Variants in OPCML observed in about 807,000 individuals in gnomAD.
The protein encoded by OPCML is opioid-binding protein/cell adhesion molecule.
Under a neutral mutation model 37.8 loss-of-function variants are expected in OPCML, and 13 were observed. The observed-to-expected ratio is 0.34, with a 90% CI of 0.22 to 0.55. The LOEUF (loss-of-function observed/expected upper bound fraction) is 0.55, where lower values mean the gene tolerates loss of function less well. Among genes scored for constraint, OPCML ranks in the 20% least tolerant of loss-of-function variants. The probability of loss-of-function intolerance (pLI) is 0.91; values close to 1 mark genes in which losing one functional copy is unlikely to be tolerated. For synonymous variants in OPCML, 176 were observed against 168.8 expected, an observed-to-expected ratio of 1.04 and a Z score of -0.33; for missense variants, 341 against 435.6, an observed-to-expected ratio of 0.78 and a Z score of 1.93.
intron 1 of OPCML, among the ~76,000 whole-genome samples, chr11:133,210,879 G>A (rs1435051339): frequency 6.6e-6 from 1 of 152,130 alleles, no homozygotes. Flanking sequence ...ACAGAGGTGT[G>A]TGCGGTTAGA....
At chr11:132,586,863 A>T (rs986151932) in intron 3 of OPCML, among the ~76,000 whole-genome samples, 1 of 152,206 alleles carries the variant, frequency 6.6e-6, no homozygotes. Flanking sequence ...ACAGTCTCTC[A>T]AAAATAAAGA....
intron 1 of OPCML, among the ~76,000 whole-genome samples, chr11:133,330,065 C>A (rs1943580516): frequency 6.6e-6 from 1 of 152,150 alleles, no homozygotes; most frequent in Non-Finnish European, 1.5e-5. Flanking sequence ...ATTTATGCAG[C>A]CAAAACAACA....
intron 2 of OPCML, among the ~76,000 whole-genome samples, chr11:132,856,659 C>T (rs906806513): frequency 3.3e-5 from 5 of 152,154 alleles, no homozygotes; most frequent in Admixed American, 2.6e-4. Flanking sequence ...TATGACCTTC[C>T]TCTAGGAATA....
chr11:132,929,150 T>C (rs1056205999), intron 2 of OPCML, among the ~76,000 whole-genome samples: 1 of 150,376 alleles, frequency 6.6e-6, no homozygotes, highest in Non-Finnish European at 1.5e-5. Flanking sequence ...TAGAAAAAAA[T>C]CAACAAAATA....
chr11:132,559,506 G>A (rs181525096), intron 3 of OPCML, among the ~76,000 whole-genome samples: 36 of 152,294 alleles, frequency 2.4e-4, no homozygotes, highest in African/African-American at 8.4e-4. Context: ...GACGCCACCA[G>A]CTTGCCGCTG....
intron 1 of OPCML, among the ~76,000 whole-genome samples, chr11:133,075,619 T>C (rs897255567): frequency 6.6e-6 from 1 of 152,146 alleles, no homozygotes; most frequent in African/African-American, 2.4e-5. Flanking sequence ...AAGAAAAGTC[T>C]TGGCCAGGAA....
At chr11:132,711,404 G>GGATT (rs1198514990) in intron 2 of OPCML, among the ~76,000 whole-genome samples, 1 of 152,120 alleles carries the variant, frequency 6.6e-6, no homozygotes, top group African/African-American at 2.4e-5. Flanking sequence ...TATATCACAG[G>GGATT]GATTGAATCC....
chr11:133,092,794 A>G (rs1279399961), intron 1 of OPCML, among the ~76,000 whole-genome samples: 1 of 152,170 alleles, frequency 6.6e-6, no homozygotes, highest in African/African-American at 2.4e-5. Context: ...GAAGGTTGGT[A>G]CATCTTTATG....
intron 1 of OPCML, among the ~76,000 whole-genome samples, chr11:133,520,281 A>T (rs1948372269): frequency 6.6e-6 from 1 of 152,090 alleles, no homozygotes; most frequent in African/African-American, 2.4e-5. Flanking sequence ...TCAGAACTAC[A>T]GGCCACCTCA....
chr11:133,116,890 A>G (rs1480606841), intron 1 of OPCML, among the ~76,000 whole-genome samples: 1 of 151,288 alleles, frequency 6.6e-6, no homozygotes, highest in African/African-American at 2.4e-5. Flanking sequence ...GCCTGAATCA[A>G]TTATTTCTGT....
chr11:132,580,223 A>T (rs1007970339), intron 3 of OPCML, among the ~76,000 whole-genome samples: 1 of 152,184 alleles, frequency 6.6e-6, no homozygotes, highest in Non-Finnish European at 1.5e-5. Flanking sequence ...CAGGGGGGAA[A>T]CCCAACAACT....
At chr11:132,602,904 G>A (rs1938019074) in intron 3 of OPCML, among the ~76,000 whole-genome samples, 1 of 152,226 alleles carries the variant, frequency 6.6e-6, no homozygotes, top group South Asian at 2.1e-4. Context: ...TCAGGTCACG[G>A]ACAGTAGTGA....
In OPCML at chr11:132,944,157, G is replaced by A. The variant is rs543193309; in HGVS notation, c.62-1147C>T. Among the ~76,000 whole-genome samples the A allele has an allele frequency of 4.0e-5, 6 of 150,900 alleles. No homozygotes were observed. In the South Asian group the frequency reaches 1.3e-3, roughly 32 times the overall value. On this transcript the variant is annotated intron_variant, in intron 1 of 7. Coordinates refer to ENST00000524381, the MANE Select transcript of OPCML (RefSeq NM_001012393.5). ...CCCGCGCCAGCGGAGAGAACGCGGC[G>A]CCCCTCGCAGCGGCTTCCCCTACAG...
intron 1 of OPCML, among the ~76,000 whole-genome samples, chr11:132,997,539 T>C (rs775634090): frequency 9.2e-5 from 14 of 152,142 alleles, no homozygotes; most frequent in Non-Finnish European, 1.9e-4. Context: ...CAGTGCTGTA[T>C]GCATGCACAT....
At chr11:133,146,765 A>T (rs952407425) in intron 1 of OPCML, among the ~76,000 whole-genome samples, 2 of 152,088 alleles carry the variant, frequency 1.3e-5, no homozygotes, top group South Asian at 4.1e-4. Flanking sequence ...CGGGACCTCT[A>T]TCTCCTATCC....
intron 4 of OPCML, among the ~76,000 whole-genome samples, chr11:132,521,038 A>G (rs888250402): frequency 5.3e-5 from 8 of 152,028 alleles, no homozygotes; most frequent in African/African-American, 1.7e-4. Flanking sequence ...CTCCACAACC[A>G]TTCATTGTTT....
At chr11:132,641,899 G>A (rs1315781652) in intron 3 of OPCML, among the ~76,000 whole-genome samples, 2 of 152,208 alleles carry the variant, frequency 1.3e-5, no homozygotes, top group Non-Finnish European at 2.9e-5. Context: ...CTCAGGGGTT[G>A]TCATTCAGGG....
rs546360094 is a variant in OPCML, at chr11:133,252,182, G to A, written c.61+280082C>T. Among the ~76,000 whole-genome samples the A allele has an allele frequency of 5.3e-5, 8 of 152,226 alleles. 2 individuals carry two copies. Among genetic ancestry groups the A allele is most frequent in the African/African-American group, 1.9e-4 (8 of 41,532 alleles). On this transcript the variant is annotated intron_variant, in intron 1 of 7. Transcript: ENST00000524381. ...TAAGACATCAGGATTAATTCCTAAT[G>A]GAAATTTCTAAAATACATACACACA...
chr11:132,751,940 A>G (rs893023452), intron 2 of OPCML, among the ~76,000 whole-genome samples: 8 of 152,204 alleles, frequency 5.3e-5, no homozygotes, highest in African/African-American at 1.4e-4. Context: ...AAAGCCCAAT[A>G]ACACTATCTC....
Sources: gnomAD v4.1 joint callset for allele counts (sites outside exome capture counted in the v4.1 genomes callset) on GRCh38, gnomAD v4.1.1 for gene constraint, MANE v1.5 for transcripts, NCBI Gene and HGNC (gene_info 2026-07-23, HGNC 2026-07-21) for gene names.